The following ARHGAP32 variants were observed in gnomAD, a reference collection of about 807,000 sequenced individuals.
ARHGAP32 encodes rho GTPase-activating protein 32.
ARHGAP32 carries 51 observed loss-of-function variants against 186.5 expected under a neutral mutation model. The ratio of observed to expected loss-of-function variants is 0.27; its 90% CI spans 0.22 to 0.35. The LOEUF is 0.35. Among genes scored for constraint, ARHGAP32 ranks in the 10% least tolerant of loss-of-function variants. The pLI, the probability that ARHGAP32 is intolerant of heterozygous loss-of-function variation, is 1.00. For missense variants in ARHGAP32, 2,186 were observed against 2,623.5 expected (o/e 0.83, Z 3.64); for synonymous variants, 950 against 964.3 (o/e 0.99, Z 0.27).
At chr11:129,118,135 C>T (rs1182142422) in intron 5 of ARHGAP32, among the ~76,000 whole-genome samples, 1 of 151,930 alleles carries the variant, frequency 6.6e-6, no homozygotes, top group Non-Finnish European at 1.5e-5. Context: ...CTTAAATGCA[C>T]TTACTAAAAA....
intron 1 of ARHGAP32, among the ~76,000 whole-genome samples, chr11:129,222,095 A>G (rs1944719871): frequency 1.3e-5 from 2 of 152,196 alleles, no homozygotes; most frequent in Non-Finnish European, 1.5e-5. Flanking sequence ...ATGAAGAAAC[A>G]GCAGCATCTG....
At chr11:129,271,149 G>A (rs1026318289) in intron 1 of ARHGAP32, among the ~76,000 whole-genome samples, 4 of 152,148 alleles carry the variant, frequency 2.6e-5, no homozygotes, top group African/African-American at 9.6e-5. Context: ...TCTGATTAAC[G>A]TTTAACATTA....
intron 1 of ARHGAP32, 59 bp from the exon 2 acceptor site, chr11:129,164,486 A>G: frequency 1.0e-6 from 1 of 976,434 alleles, no homozygotes; most frequent in Non-Finnish European, 1.5e-6. Flanking sequence ...AAAGCCTTCC[A>G]ATGATCACAA....
upstream of ARHGAP32, among the ~76,000 whole-genome samples, chr11:129,195,774 C>T (rs1163786723): frequency 2.0e-5 from 3 of 152,288 alleles, no homozygotes; most frequent in East Asian, 5.8e-4. Flanking sequence ...GTTTTCTGTT[C>T]CCTTCTCCAG....
intron 11 of ARHGAP32, among the ~76,000 whole-genome samples, chr11:129,001,793 G>A (rs1301212617): frequency 6.6e-6 from 1 of 152,110 alleles, no homozygotes; most frequent in East Asian, 1.9e-4. Context: ...TATATAAGGT[G>A]AGAAAGAGGG....
chr11:128,985,147 T>A (rs540265360), intron 15 of ARHGAP32, among the ~76,000 whole-genome samples: 1 of 152,104 alleles, frequency 6.6e-6, no homozygotes, highest in Non-Finnish European at 1.5e-5. Context: ...AGCCCCCGAG[T>A]AGCTGGGATT....
At chr11:129,174,481 T>TG (rs1565456282) in intron 1 of ARHGAP32, among the ~76,000 whole-genome samples, 1 of 152,206 alleles carries the variant, frequency 6.6e-6, no homozygotes, top group Non-Finnish European at 1.5e-5. Flanking sequence ...GCTCCACCTC[T>TG]GGGGGCAGGG....
chr11:129,268,641 T>G (rs936033060), intron 1 of ARHGAP32, among the ~76,000 whole-genome samples: 6 of 136,706 alleles, frequency 4.4e-5, no homozygotes, highest in Non-Finnish European at 9.1e-5. Flanking sequence ...GTCATCTTGC[T>G]CTTTCGTTAT....
chr11:129,256,576 T>A (rs1945257095), intron 1 of ARHGAP32, among the ~76,000 whole-genome samples: 1 of 152,112 alleles, frequency 6.6e-6, no homozygotes, highest in Admixed American at 6.6e-5. Context: ...GTAACCAACA[T>A]CCATCCAATT....
At chr11:129,214,875 A>G (rs1461185094) in intron 1 of ARHGAP32, among the ~76,000 whole-genome samples, 1 of 152,246 alleles carries the variant, frequency 6.6e-6, no homozygotes, top group African/African-American at 2.4e-5. Flanking sequence ...GTAGAAGGAC[A>G]GCAGCCACAG....
chr11:129,211,449 A>G (rs554149878), intron 1 of ARHGAP32, among the ~76,000 whole-genome samples: 24 of 152,364 alleles, frequency 1.6e-4, no homozygotes, highest in African/African-American at 5.5e-4. Context: ...GTTTTTCTGC[A>G]GAATAAAATT....
chr11:129,232,202 T>C (rs76788586), intron 1 of ARHGAP32, among the ~76,000 whole-genome samples: 243 of 152,240 alleles, frequency 1.6e-3, no homozygotes, highest in African/African-American at 5.7e-3. Flanking sequence ...ACGGGTGACA[T>C]TAGTGTAGCT....
intron 3 of ARHGAP32, 53 bp downstream of exon 3, chr11:129,124,750 C>G (rs1013473809): frequency 4.7e-5 from 64 of 1,355,498 alleles, no homozygotes; most frequent in Admixed American, 2.2e-4. Flanking sequence ...AATTGAAGAA[C>G]TGATTTCCAT....
At chr11:129,058,320 A>G (rs1408601094) in intron 10 of ARHGAP32, among the ~76,000 whole-genome samples, 2 of 151,908 alleles carry the variant, frequency 1.3e-5, no homozygotes, top group East Asian at 3.9e-4. Context: ...AATATATGAT[A>G]TCCCCCATCC....
At chr11:129,218,855 A>G (rs1301920007) in intron 1 of ARHGAP32, among the ~76,000 whole-genome samples, 1 of 152,204 alleles carries the variant, frequency 6.6e-6, no homozygotes, top group Non-Finnish European at 1.5e-5. Context: ...AGACTCTGAC[A>G]CATTTGTCAA....
intron 2 of ARHGAP32, among the ~76,000 whole-genome samples, chr11:129,160,935 T>A (rs947389167): frequency 6.6e-6 from 1 of 152,174 alleles, no homozygotes; most frequent in African/African-American, 2.4e-5. Context: ...CAAAACAGCA[T>A]GGTACTGGTG....
intron 1 of ARHGAP32, among the ~76,000 whole-genome samples, chr11:129,256,013 T>C (rs1945249639): frequency 6.6e-6 from 1 of 152,148 alleles, no homozygotes; most frequent in African/African-American, 2.4e-5. Flanking sequence ...GCAATGAGAA[T>C]GTATATAATT....
chr11:129,156,171 G>A (rs1943400848), intron 2 of ARHGAP32, among the ~76,000 whole-genome samples: 1 of 152,180 alleles, frequency 6.6e-6, no homozygotes, highest in Admixed American at 6.5e-5. Flanking sequence ...AGCCATTTGG[G>A]CAGACACCGA....
At chr11:129,074,660 A>T (rs931244729) in intron 6 of ARHGAP32, among the ~76,000 whole-genome samples, 1 of 151,644 alleles carries the variant, frequency 6.6e-6, no homozygotes, top group Admixed American at 6.6e-5. Flanking sequence ...TGCCTGGCTA[A>T]TTTTTTGTAT....
Sources: allele counts gnomAD v4.1 joint callset (sites outside exome capture counted in the v4.1 genomes callset), GRCh38; gene constraint gnomAD v4.1.1; transcripts MANE v1.5; gene names NCBI Gene and HGNC (gene_info 2026-07-23, HGNC 2026-07-21).